Variants in SLC16A10 observed in about 807,000 individuals in gnomAD.
SLC16A10 encodes solute carrier family 16 member 10, also known as monocarboxylate transporter 10.
Under a neutral mutation model 40.0 loss-of-function variants are expected in SLC16A10, and 27 were observed. That is an observed-to-expected ratio of 0.67 (90% CI 0.50 to 0.93). The LOEUF (loss-of-function observed/expected upper bound fraction) is 0.93, where lower values mean the gene tolerates loss of function less well. SLC16A10 is among the 40% of genes least tolerant of loss of function. The pLI is 0.00. For missense variants in SLC16A10, 529 were observed against 658.2 expected, an observed-to-expected ratio of 0.80 and a Z score of 2.15; for synonymous variants, 213 against 249.8, an observed-to-expected ratio of 0.85 and a Z score of 1.39.
intron 3 of SLC16A10, among the ~76,000 whole-genome samples, chr6:111,179,829 G>A (rs1004888003): frequency 1.3e-5 from 2 of 152,216 alleles, no homozygotes; most frequent in African/African-American, 4.8e-5. Flanking sequence ...ACCGAATGCA[G>A]CACGGTAGAG....
chr6:111,199,287 C>T (rs1474491572), intron 3 of SLC16A10, among the ~76,000 whole-genome samples: 2 of 152,070 alleles, frequency 1.3e-5, no homozygotes, highest in East Asian at 3.9e-4. Context: ...TGGTGAAACT[C>T]TGTCTCTGCT....
At chr6:111,104,377 T>C (rs1319431119) in intron 1 of SLC16A10, among the ~76,000 whole-genome samples, 1 of 152,138 alleles carries the variant, frequency 6.6e-6, no homozygotes, top group Non-Finnish European at 1.5e-5. Context: ...TTTCAAAGGA[T>C]AGACTGCAGG....
intron 1 of SLC16A10, among the ~76,000 whole-genome samples, chr6:111,136,131 A>G (rs1771873313): frequency 6.6e-6 from 1 of 152,342 alleles, no homozygotes; most frequent in African/African-American, 2.4e-5. Context: ...CAGAAAGCCA[A>G]TACCCATTTA....
chr6:111,160,395 T>C (rs964831446), intron 1 of SLC16A10, among the ~76,000 whole-genome samples: 9 of 152,194 alleles, frequency 5.9e-5, no homozygotes. Flanking sequence ...TGTGCCACCA[T>C]GCTCAGCTAA....
intron 1 of SLC16A10, among the ~76,000 whole-genome samples, chr6:111,097,850 A>G (rs1365849445): frequency 1.3e-5 from 2 of 152,218 alleles, no homozygotes; most frequent in African/African-American, 4.8e-5. Context: ...TCCTTTAGAT[A>G]GTTAAGTCTA....
chr6:111,134,505 C>T (rs374964588), intron 1 of SLC16A10, among the ~76,000 whole-genome samples: 12 of 151,544 alleles, frequency 7.9e-5, no homozygotes, highest in African/African-American at 2.7e-4. Context: ...TTGGCAACCT[C>T]GGTTTTTTAT....
intron 4 of SLC16A10, among the ~76,000 whole-genome samples, chr6:111,214,705 A>T (rs751093897): frequency 6.6e-6 from 1 of 152,264 alleles, no homozygotes; most frequent in South Asian, 2.1e-4. Flanking sequence ...TCTTAAAGGA[A>T]AATGAAAAAA....
chr6:111,112,292 C>T (rs1253099019), intron 1 of SLC16A10, among the ~76,000 whole-genome samples: 1 of 152,160 alleles, frequency 6.6e-6, no homozygotes, highest in Non-Finnish European at 1.5e-5. Context: ...GCCTTGGCCT[C>T]CCAAGGTGCT....
intron 1 of SLC16A10, among the ~76,000 whole-genome samples, chr6:111,126,642 T>C (rs1187075015): frequency 1.3e-5 from 2 of 152,208 alleles, no homozygotes; most frequent in Non-Finnish European, 2.9e-5. Flanking sequence ...TTTATACTTT[T>C]CAATTTGTTT....
intron 1 of SLC16A10, among the ~76,000 whole-genome samples, chr6:111,093,228 A>G (rs1191060336): frequency 6.6e-6 from 1 of 152,208 alleles, no homozygotes; most frequent in Non-Finnish European, 1.5e-5. Flanking sequence ...AAAAAAGTGT[A>G]AATCAAAACA....
rs1336731377 is a variant in SLC16A10, at chr6:111,088,118, G to A, written c.343+23G>A. The A allele has an allele frequency of 5.7e-6, 9 of 1,586,564 alleles. No individual in the cohort carries two copies. The East Asian group carries it at 2.2e-4, about 38-fold the overall frequency. On this transcript the variant is annotated intron_variant, in intron 1 of 5. Coordinates refer to ENST00000368851, the MANE Select transcript of SLC16A10 (RefSeq NM_018593.5). The stretch of plus-strand genomic sequence containing the variant: ...CAGGTGAGGCGCGGCGCCCGCCGAG[G>A]CCAGCCTGGGCGACCCGCGTGGGGC...
intron 1 of SLC16A10, among the ~76,000 whole-genome samples, chr6:111,106,758 C>T (rs1222624327): frequency 2.6e-5 from 4 of 152,206 alleles, no homozygotes; most frequent in Admixed American, 2.0e-4. Context: ...CCTTTCCTCC[C>T]TGCATTGCAG....
At chr6:111,136,799 C>A (rs1435873424) in intron 1 of SLC16A10, among the ~76,000 whole-genome samples, 1 of 152,168 alleles carries the variant, frequency 6.6e-6, no homozygotes, top group Non-Finnish European at 1.5e-5. Context: ...TCCTCTGACT[C>A]CAGGAACTAG....
intron 1 of SLC16A10, among the ~76,000 whole-genome samples, chr6:111,090,712 TTTGA>T (rs1312965818): frequency 2.0e-5 from 3 of 152,246 alleles, no homozygotes; most frequent in African/African-American, 7.2e-5. Context: ...TGCTTTGAAG[TTTGA>T]TTGGTCACAC....
rs551838989 is a variant in SLC16A10 at position 111,197,740 on chromosome 6, G to A, written c.943-8852G>A. On this transcript the variant is annotated intron_variant, in intron 3 of 5. Coordinates refer to ENST00000368851, the MANE Select transcript of SLC16A10 (RefSeq NM_018593.5). ...GTCTCGGGGAGCTTTTACTCATGGC[G>A]AAAGCAGAGTGGAAGCAGCAGGTCA... Among the ~76,000 whole-genome samples the A allele has an allele frequency of 6.6e-5, 10 of 152,190 alleles. No individual in the cohort carries two copies. In the South Asian group the frequency reaches 1.0e-3, roughly 16 times the overall value.
At position 111,226,590 on chromosome 6, in the gene SLC16A10, T is replaced by G. The variant is rs190716456; in HGVS notation, c.*4355T>G. On this transcript the variant is annotated 3_prime_UTR_variant, in exon 6 of 6. Coordinates refer to ENST00000368851, the MANE Select transcript of SLC16A10 (RefSeq NM_018593.5). ...AGGTCAAAGATTGTTGCTTTTCCAG[T>G]GTGTTGTCTTAAAAATAGAAGGAAA... The G allele has an allele frequency of 6.6e-6, 1 of 152,196 alleles. No individual in the cohort carries two copies. The highest frequency in any genetic ancestry group is 2.4e-5 in the African/African-American group (1 of 41,436). 9.4% of individuals were successfully genotyped at this position (152,196 alleles called of 1,614,324 possible).
chr6:111,186,160 G>A (rs759644652), intron 3 of SLC16A10, among the ~76,000 whole-genome samples: 2 of 152,144 alleles, frequency 1.3e-5, no homozygotes, highest in Admixed American at 6.5e-5. Flanking sequence ...TTGGCTCCCT[G>A]CCAAAGCACT....
chr6:111,144,709 C>G (rs963514638), intron 1 of SLC16A10, among the ~76,000 whole-genome samples: 1 of 152,170 alleles, frequency 6.6e-6, no homozygotes, highest in Non-Finnish European at 1.5e-5. Context: ...TAAATATATT[C>G]ATTATCTTGA....
intron 1 of SLC16A10, among the ~76,000 whole-genome samples, chr6:111,135,190 G>A (rs919617829): frequency 1.3e-5 from 2 of 152,166 alleles, no homozygotes; most frequent in Non-Finnish European, 2.9e-5. Context: ...CCTGCTGGAG[G>A]AAGGAATTAA....
Sources: allele counts gnomAD v4.1 joint callset (sites outside exome capture counted in the v4.1 genomes callset), GRCh38; gene constraint gnomAD v4.1.1; transcripts MANE v1.5; gene names NCBI Gene and HGNC (gene_info 2026-07-23, HGNC 2026-07-21).